Variants in ERO1B observed in about 807,000 individuals in gnomAD.
ERO1B encodes ERO1-like protein beta.
In ERO1B, 49 loss-of-function variants were observed where a neutral mutation model predicts 75.3. That is an observed-to-expected ratio of 0.65 (90% CI 0.52 to 0.83). ERO1B has a LOEUF of 0.83. Ranked by LOEUF, ERO1B falls within the 40% of genes least tolerant of loss-of-function variation. The probability of loss-of-function intolerance (pLI) is 0.00; values close to 1 mark genes in which losing one functional copy is unlikely to be tolerated. For missense variants in ERO1B, 512 were observed against 560.1 expected (o/e 0.91, Z 0.87); for synonymous variants, 191 against 192.9 (o/e 0.99, Z 0.08).
chr1:236,280,399 A>G (rs1262834012), intron 1 of ERO1B, among the ~76,000 whole-genome samples: 1 of 152,166 alleles, frequency 6.6e-6, no homozygotes, highest in Non-Finnish European at 1.5e-5. Context: ...ATTCCATCTC[A>G]GTGTTTTCCA....
chr1:236,222,779 ATGTT>A (rs1323286225), intron 13 of ERO1B, among the ~76,000 whole-genome samples: 2 of 152,188 alleles, frequency 1.3e-5, no homozygotes, highest in Non-Finnish European at 2.9e-5. Context: ...GTACCACACT[ATGTT>A]TGTCATGGTT....
At chr1:236,230,303 G>A in intron 9 of ERO1B, 53 bp from the exon 10 acceptor site, 1 of 1,428,306 alleles carries the variant, frequency 7.0e-7, no homozygotes, top group Non-Finnish European at 9.8e-7. Context: ...TTATAAAGTA[G>A]AATAAATTAG....
At chr1:236,245,693 C>T (rs1664867323) in intron 5 of ERO1B, among the ~76,000 whole-genome samples, 1 of 143,032 alleles carries the variant, frequency 7.0e-6, no homozygotes, top group Non-Finnish European at 1.5e-5. Flanking sequence ...TCAAGTGATT[C>T]TCCTGCCTCA....
intron 14 of ERO1B, 198 bp downstream of exon 14, chr1:236,221,723 AAAG>A (rs1664147826): frequency 3.9e-6 from 2 of 507,736 alleles, no homozygotes; most frequent in Admixed American, 7.6e-5. Flanking sequence ...TAAAATCACT[AAAG>A]AATAATATGA....
At chr1:236,260,280 A>G (rs1284065750) in intron 2 of ERO1B, among the ~76,000 whole-genome samples, 2 of 152,222 alleles carry the variant, frequency 1.3e-5, no homozygotes, top group Non-Finnish European at 2.9e-5. Context: ...CATGCAGCCT[A>G]CAAAAGCTGG....
chr1:236,278,955 T>G (rs974648014), intron 1 of ERO1B, among the ~76,000 whole-genome samples: 3 of 152,242 alleles, frequency 2.0e-5, no homozygotes, highest in African/African-American at 7.2e-5. Flanking sequence ...TCTACCAATT[T>G]ATTATATGGA....
intron 1 of ERO1B, among the ~76,000 whole-genome samples, chr1:236,270,207 C>T (rs1387714532): frequency 1.3e-5 from 2 of 152,168 alleles, no homozygotes; most frequent in Non-Finnish European, 2.9e-5. Flanking sequence ...GAACATTTCT[C>T]TTTAGCACTT....
intron 5 of ERO1B, among the ~76,000 whole-genome samples, chr1:236,245,843 C>T (rs372547931): frequency 8.0e-5 from 12 of 150,632 alleles, no homozygotes; most frequent in Non-Finnish European, 1.5e-4. Flanking sequence ...CCCCCTGCCT[C>T]GGCCTCCCAA....
Position 236,236,402 on chromosome 1 carries a change from A to T in ERO1B, c.506-4T>A, listed in dbSNP as rs556647366. The T allele has an allele frequency of 3.0e-5, 48 of 1,613,222 alleles. No individual in the cohort carries two copies. In the East Asian group the frequency reaches 9.6e-4, roughly 32 times the overall value. ...TGAGCAGCTGGAGATCTCTCATCTG[A>T]ACAAGAAAAAATTCATAAAAACCAT... On this transcript the variant is annotated splice_polypyrimidine_tract_variant and splice_region_variant and intron_variant, in intron 6 of 15. Transcript: ENST00000354619.
At chr1:236,242,142 G>A (rs1664722145) in intron 6 of ERO1B, among the ~76,000 whole-genome samples, 4 of 151,508 alleles carry the variant, frequency 2.6e-5, no homozygotes, top group African/African-American at 9.7e-5. Flanking sequence ...TTTATAGCAA[G>A]TACTTCCTGC....
chr1:236,263,264 T>G (rs575252945), intron 2 of ERO1B, among the ~76,000 whole-genome samples: 12 of 141,982 alleles, frequency 8.5e-5, no homozygotes, highest in African/African-American at 2.6e-4. Context: ...TGTTGTTGTT[T>G]TTGAGATGAA....
chr1:236,249,908 C>A lies in ERO1B; in HGVS notation c.408G>T (p.Leu136=). Residue 136 remains leucine, a synonymous_variant, in exon 5 of 16, where the codon CTG becomes CTT. Coordinates refer to ENST00000354619, the MANE Select transcript of ERO1B (RefSeq NM_019891.4). ...ELEDCEQANK[L]GAINSTLSNQ... ...GCCTTAATGTGCTGTTAATTGCTCCCAGTTTATTAGCTTGCTCACAATCTT... is the reference window on the plus strand; with the variant it reads ...GCCTTAATGTGCTGTTAATTGCTCCAAGTTTATTAGCTTGCTCACAATCTT... 7.5e-6 allele frequency: 12 copies of A among 1,596,492 alleles called. No homozygotes were observed. Among genetic ancestry groups the A allele is most frequent in the Non-Finnish European group, 1.0e-5 (12 of 1,173,040 alleles).
At chr1:236,247,495 C>T (rs1305323781) in intron 5 of ERO1B, among the ~76,000 whole-genome samples, 1 of 152,188 alleles carries the variant, frequency 6.6e-6, no homozygotes, top group Non-Finnish European at 1.5e-5. Flanking sequence ...ATTTCCACTG[C>T]TATCACCCTG....
At chr1:236,256,763 A>G (rs1488876073) in intron 2 of ERO1B, among the ~76,000 whole-genome samples, 1 of 152,110 alleles carries the variant, frequency 6.6e-6, no homozygotes, top group African/African-American at 2.4e-5. Flanking sequence ...CAAGAACCCC[A>G]ACTTTTATAG....
At chr1:236,245,828 A>T (rs970077585) in intron 5 of ERO1B, among the ~76,000 whole-genome samples, 1 of 150,128 alleles carries the variant, frequency 6.7e-6, no homozygotes, top group African/African-American at 2.5e-5. Flanking sequence ...CTGGCCTCAC[A>T]TGATCCCCCT....
intron 4 of ERO1B, among the ~76,000 whole-genome samples, 157 bp downstream of exon 4, chr1:236,251,893 C>T (rs1665038734): frequency 6.6e-6 from 1 of 152,148 alleles, no homozygotes; most frequent in Admixed American, 6.5e-5. Context: ...TACAATCTAT[C>T]TGCTTGACGC....
At chr1:236,227,365 G>A (rs1217007378) in intron 10 of ERO1B, among the ~76,000 whole-genome samples, 2 of 152,082 alleles carry the variant, frequency 1.3e-5, no homozygotes, top group African/African-American at 2.4e-5. Context: ...TAAGCCACAG[G>A]GGCTTTTTTG....
intron 2 of ERO1B, among the ~76,000 whole-genome samples, chr1:236,259,176 C>T (rs1665234492): frequency 6.6e-6 from 1 of 152,066 alleles, no homozygotes; most frequent in African/African-American, 2.4e-5. Context: ...CTGAAAACAG[C>T]CTGCTACTAA....
chr1:236,260,971 A>G (rs958685208), intron 2 of ERO1B, among the ~76,000 whole-genome samples: 1 of 152,110 alleles, frequency 6.6e-6, no homozygotes, highest in Non-Finnish European at 1.5e-5. Flanking sequence ...ACCATGATCA[A>G]GTGAGATTTA....
Sources: gnomAD v4.1 joint callset for allele counts (sites outside exome capture counted in the v4.1 genomes callset) on GRCh38, gnomAD v4.1.1 for gene constraint, MANE v1.5 for transcripts, NCBI Gene and HGNC (gene_info 2026-07-23, HGNC 2026-07-21) for gene names.